Variants in RAD1 observed in about 807,000 individuals in gnomAD.
The protein encoded by RAD1 is RAD1 checkpoint DNA exonuclease.
In RAD1, 21 loss-of-function variants were observed where a neutral mutation model predicts 30.0. That is an observed-to-expected ratio of 0.70 (90% CI 0.50 to 1.01). RAD1 has a LOEUF of 1.01. RAD1 is among the 50% of genes least tolerant of loss of function. RAD1 has a pLI of 0.00. For synonymous variants in RAD1, 109 were observed against 113.6 expected, an observed-to-expected ratio of 0.96 and a Z score of 0.26; for missense variants, 329 against 329.0, an observed-to-expected ratio of 1.00 and a Z score of 0.00.
chr5:34,912,161 C>T (rs1029751834), intron 3 of RAD1, among the ~76,000 whole-genome samples: 3 of 152,212 alleles, frequency 2.0e-5, no homozygotes, highest in African/African-American at 7.2e-5. Context: ...TGCTGCAGAA[C>T]AGGGTATGCT....
At chr5:34,912,715 G>A (rs576689742) in intron 3 of RAD1, among the ~76,000 whole-genome samples, 160 of 151,958 alleles carry the variant, frequency 1.1e-3, no homozygotes, top group African/African-American at 3.6e-3. Context: ...AAAATCATTC[G>A]GCAACCGGTT....
intron 4 of RAD1, among the ~76,000 whole-genome samples, chr5:34,909,658 C>T (rs117560193): frequency 6.6e-6 from 1 of 152,258 alleles, no homozygotes; most frequent in East Asian, 1.9e-4. Flanking sequence ...AAATATATAA[C>T]AGGCGAGAGA....
At position 34,905,918 on chromosome 5, in the gene RAD1, T is replaced by C. The variant is rs895861711; in HGVS notation, c.*2847A>G. On this transcript the variant is annotated 3_prime_UTR_variant, in exon 6 of 6. Transcript: ENST00000382038. ...AATTCATTAGTCTTTGAATTCTAAA[T>C]AGCTGAAGACATGCAGCTAAAACAA... 1.3e-5 allele frequency: 2 copies of C among 152,232 alleles called. No individual in the cohort carries two copies. The highest frequency in any genetic ancestry group is 4.8e-5 in the African/African-American group (2 of 41,456). The allele number at this position is 152,232 out of a possible 1,614,324, so 9.4% of individuals were successfully genotyped here.
At chr5:34,914,077 A>T (rs1169019504) in intron 2 of RAD1, 1 of 451,448 alleles carries the variant, frequency 2.2e-6, no homozygotes, top group African/African-American at 2.0e-5. Context: ...CCCTGAGATC[A>T]TGCTGTGCAC....
chr5:34,906,947 T>G lies in RAD1; in HGVS notation c.*1818A>C, dbSNP rs917780654. ...CTAAACAAAAAATACTCTGACAACA[T>G]TTAGTAAATTCATTTGTTTCCTTCT... On this transcript the variant is annotated 3_prime_UTR_variant, in exon 6 of 6. Transcript: ENST00000382038. The G allele has an allele frequency of 1.3e-5, 2 of 152,186 alleles. No homozygotes were observed. The highest frequency in any genetic ancestry group is 2.9e-5 in the Non-Finnish European group (2 of 68,026). 9.4% of individuals were successfully genotyped at this position (152,186 alleles called of 1,614,324 possible).
At position 34,911,644 on chromosome 5, in the gene RAD1, T is replaced by C. The variant is rs769445606; in HGVS notation, c.476A>G (p.Gln159Arg). 1 of 1,614,154 alleles carries C rather than the reference T, an allele frequency of 6.2e-7. No individual in the cohort carries two copies. Among genetic ancestry groups the C allele is most frequent in the Non-Finnish European group, 8.5e-7 (1 of 1,180,026 alleles). ...AAATGCTTCACGGAGCCCCTCTGAC[T>C]GCAGAATAATTTTATTAATAACATT... Reference protein sequence around the residue: ...STNVINKIILQSEGLREAFSE... With the variant: ...STNVINKIILRSEGLREAFSE... The change falls in exon 4 of 6, where the codon CAG becomes CGG. Residue 159 changes from glutamine (Q) to arginine (R), a missense_variant. By Grantham distance (43) the Gln-to-Arg change is conservative. Transcript: ENST00000382038.
chr5:34,915,072 G>C (rs930908472), intron 1 of RAD1, 111 bp from the exon 2 acceptor site: 13 of 611,206 alleles, frequency 2.1e-5, no homozygotes, highest in Middle Eastern at 3.8e-4. Flanking sequence ...TGACCAGGCC[G>C]AACCCCACCT....
chr5:34,913,117 C>T (rs1278500734), intron 3 of RAD1, among the ~76,000 whole-genome samples: 1 of 152,110 alleles, frequency 6.6e-6, no homozygotes, highest in Non-Finnish European at 1.5e-5. Context: ...TTTTTCTCTG[C>T]CACTAACTAG....
chr5:34,910,109 A>T (rs1385877827), intron 4 of RAD1, among the ~76,000 whole-genome samples: 1 of 152,142 alleles, frequency 6.6e-6, no homozygotes, highest in Non-Finnish European at 1.5e-5. Context: ...CCTGAGCACC[A>T]TAACTACATA....
At chr5:34,914,466 T>C (rs1276330785) in intron 2 of RAD1, 1 of 546,344 alleles carries the variant, frequency 1.8e-6, no homozygotes, top group Non-Finnish European at 3.2e-6. Context: ...AACCATTATC[T>C]CTGTAAAACA....
Position 34,914,748 on chromosome 5 carries a change from T to C in RAD1, c.145A>G (p.Ile49Val), listed in dbSNP as rs1015688848. The change falls in exon 2 of 6, where the codon ATC becomes GTC. Residue 49 changes from isoleucine to valine, a missense_variant. By Grantham distance (29) the Ile-to-Val change is conservative (BLOSUM62 3). Coordinates refer to ENST00000382038, the MANE Select transcript of RAD1 (RefSeq NM_002853.4). ...HATCFATKNG[I>V]KVTVENAKCV... ...TTTGCATTTTCCACTGTTACTTTGATACCATTTTTAGTTGCGAAACACGTG... is the reference window on the plus strand; with the variant it reads ...TTTGCATTTTCCACTGTTACTTTGACACCATTTTTAGTTGCGAAACACGTG... 6.2e-7 allele frequency: 1 copy of C among 1,614,260 alleles called. No individual in the cohort carries two copies. Among genetic ancestry groups the C allele is most frequent in the Non-Finnish European group, 8.5e-7 (1 of 1,180,046 alleles).
rs1479608410 is a variant in RAD1 at position 34,911,640 on chromosome 5, T to C, written c.480A>G (p.Ser160=). Residue 160 remains serine, a synonymous_variant, in exon 4 of 6, where the codon TCA becomes TCG. Transcript: ENST00000382038. The part of the protein sequence containing the change: ...TNVINKIILQ[S]EGLREAFSEL... Reference sequence around the variant, plus strand: ...CAGAAAATGCTTCACGGAGCCCCTCTGACTGCAGAATAATTTTATTAATAA... The same window carrying C: ...CAGAAAATGCTTCACGGAGCCCCTCCGACTGCAGAATAATTTTATTAATAA... The C allele has an allele frequency of 1.9e-6, 3 of 1,614,180 alleles. No homozygotes were observed. The highest frequency in any genetic ancestry group is 1.7e-5 in the Admixed American group (1 of 60,022).
intron 2 of RAD1, chr5:34,914,151 G>A: frequency 3.3e-5 from 10 of 305,356 alleles, no homozygotes; most frequent in East Asian, 8.4e-5. Context: ...ATATTACTTT[G>A]GAAGAACAAA....
intron 4 of RAD1, among the ~76,000 whole-genome samples, chr5:34,910,588 C>G (rs1763802162): frequency 1.3e-5 from 2 of 151,998 alleles, no homozygotes; most frequent in South Asian, 4.1e-4. Context: ...CCACCACGCC[C>G]AACTAATTTT....
chr5:34,911,366 A>G (rs1763833133), intron 4 of RAD1, among the ~76,000 whole-genome samples, 188 bp downstream of exon 4: 2 of 152,228 alleles, frequency 1.3e-5, no homozygotes, highest in Admixed American at 6.5e-5. Flanking sequence ...TAAATATGAA[A>G]TAGTGAGTTA....
At position 34,914,721 on chromosome 5, in the gene RAD1, ACT is replaced by A; in HGVS notation, c.170_171del (p.Lys57MetfsTer17). On this transcript the variant is annotated frameshift_variant, in exon 2 of 6. Coordinates refer to ENST00000382038, the MANE Select transcript of RAD1 (RefSeq NM_002853.4). LOFTEE classifies it high-confidence loss of function. ...NGIKVTVENA[K>X]CVQANAFIQA... Reference sequence around the variant, plus strand: ...TGAATAAAAGCATTTGCTTGCACACACTTTGCATTTTCCACTGTTACTTTGAT... The same window carrying A: ...TGAATAAAAGCATTTGCTTGCACACATTGCATTTTCCACTGTTACTTTGAT... 1 of 1,612,612 alleles carries A rather than the reference ACT, an allele frequency of 6.2e-7. No individual in the cohort carries two copies. Among genetic ancestry groups the A allele is most frequent in the Non-Finnish European group, 8.5e-7 (1 of 1,178,484 alleles).
At chr5:34,909,128 C>A in intron 5 of RAD1, 130 bp downstream of exon 5, 1 of 893,930 alleles carries the variant, frequency 1.1e-6, no homozygotes, top group Non-Finnish European at 1.7e-6. Context: ...GTAAGTCCAG[C>A]ACTCTACTAT....
chr5:34,908,732 A>T lies in RAD1; in HGVS notation c.*33T>A. The T allele has an allele frequency of 3.3e-6, 5 of 1,528,596 alleles. No homozygotes were observed. Among genetic ancestry groups the T allele is most frequent in the Non-Finnish European group, 4.4e-6 (5 of 1,124,118 alleles). 94.7% of individuals were successfully genotyped at this position (1,528,596 alleles called of 1,614,324 possible). On this transcript the variant is annotated 3_prime_UTR_variant, in exon 6 of 6. Transcript: ENST00000382038. Reference sequence around the variant, plus strand: ...CAGAATAAGAACTTCATCTATCATAAATGTACACATAAATATCAGTGAATT... The same window carrying T: ...CAGAATAAGAACTTCATCTATCATATATGTACACATAAATATCAGTGAATT...
intron 2 of RAD1, 33 bp from the exon 3 acceptor site, chr5:34,913,611 T>G (rs758126293): frequency 1.5e-6 from 2 of 1,328,944 alleles, no homozygotes; most frequent in Admixed American, 2.1e-5. Flanking sequence ...AATTGTTACA[T>G]AAAAGAATAA....
Sources: allele counts gnomAD v4.1 joint callset (sites outside exome capture counted in the v4.1 genomes callset), GRCh38; gene constraint gnomAD v4.1.1; transcripts MANE v1.5; gene names NCBI Gene and HGNC (gene_info 2026-07-23, HGNC 2026-07-21).